Variants in UGGT2 observed in about 807,000 individuals in gnomAD.
UGGT2 encodes UDP-glucose glycoprotein glucosyltransferase 2, also known as UDP-glucose:glycoprotein glucosyltransferase 2.
A neutral mutation model predicts 192.1 loss-of-function variants in UGGT2; 180 were observed. That is an observed-to-expected ratio of 0.94 (90% CI 0.83 to 1.06). UGGT2 has a LOEUF of 1.06. Among genes scored for constraint, UGGT2 ranks in the 50% least tolerant of loss-of-function variants. UGGT2 has a pLI of 0.00. For synonymous variants in UGGT2, 580 were observed against 591.0 expected (o/e 0.98, Z 0.27); for missense variants, 1,849 against 1,795.7 (o/e 1.03, Z -0.54).
At chr13:95,877,487 C>A in intron 28 of UGGT2, 123 bp from the exon 29 acceptor site, 1 of 975,694 alleles carries the variant, frequency 1.0e-6, no homozygotes, top group South Asian at 2.1e-5. Flanking sequence ...TTCTATAAAT[C>A]AATTCCAAGT....
intron 12 of UGGT2, among the ~76,000 whole-genome samples, chr13:95,961,589 T>C (rs1566760715): frequency 6.6e-6 from 1 of 151,996 alleles, no homozygotes; most frequent in Non-Finnish European, 1.5e-5. Flanking sequence ...CTGGAGTACC[T>C]ACACATATAA....
intron 29 of UGGT2, among the ~76,000 whole-genome samples, chr13:95,872,050 G>T (rs893552582): frequency 1.3e-5 from 2 of 152,062 alleles, no homozygotes; most frequent in South Asian, 2.1e-4. Flanking sequence ...TGGCAGAAAA[G>T]ATTTTTCTAA....
chr13:95,976,523 T>C (rs73562903), intron 10 of UGGT2, among the ~76,000 whole-genome samples: 3,587 of 152,260 alleles, frequency 0.024, 136 homozygotes, highest in African/African-American at 0.082. Context: ...GTGGCTTTAC[T>C]AATGTACATT....
In UGGT2 at chr13:95,947,979, T is replaced by C. The variant is rs781134357; in HGVS notation, c.1541+17A>G. The C allele has an allele frequency of 9.8e-5, 156 of 1,585,450 alleles. 1 individual carries two copies. In the Admixed American group the frequency reaches 2.5e-3, roughly 26 times the overall value. On this transcript the variant is annotated intron_variant, in intron 14 of 38. Transcript: ENST00000376747. ...TTTCCTTTAGTTGACAGTTTAATGCTATAAAATGACAATTACCTAAGAGGA... is the reference window on the plus strand; with the variant it reads ...TTTCCTTTAGTTGACAGTTTAATGCCATAAAATGACAATTACCTAAGAGGA...
intron 2 of UGGT2, among the ~76,000 whole-genome samples, chr13:96,031,365 G>C (rs955746156): frequency 1.1e-4 from 16 of 152,176 alleles, no homozygotes; most frequent in Non-Finnish European, 1.6e-4. Flanking sequence ...GCTCAGGCTG[G>C]AGTGCAGTGG....
At chr13:95,819,074 C>A (rs1399987006) in intron 38 of UGGT2, among the ~76,000 whole-genome samples, 1 of 152,132 alleles carries the variant, frequency 6.6e-6, no homozygotes, top group Non-Finnish European at 1.5e-5. Flanking sequence ...AACATTCATA[C>A]AGTTAATGAA....
At chr13:95,831,293 C>A (rs1056853204) in intron 38 of UGGT2, among the ~76,000 whole-genome samples, 3 of 151,874 alleles carry the variant, frequency 2.0e-5, no homozygotes, top group African/African-American at 7.2e-5. Context: ...AAAAAAAAAT[C>A]TCTTTTGTAA....
intron 36 of UGGT2, among the ~76,000 whole-genome samples, chr13:95,842,378 A>G (rs1266978666): frequency 1.3e-5 from 2 of 152,236 alleles, no homozygotes; most frequent in Admixed American, 6.5e-5. Flanking sequence ...TTATTTTTAG[A>G]GTCATCCATG....
At chr13:95,904,581 T>A (rs1215242143) in intron 20 of UGGT2, among the ~76,000 whole-genome samples, 1 of 151,914 alleles carries the variant, frequency 6.6e-6, no homozygotes, top group Non-Finnish European at 1.5e-5. Flanking sequence ...TTACTGAGAA[T>A]GATGTTTCCC....
intron 38 of UGGT2, among the ~76,000 whole-genome samples, chr13:95,831,423 T>C (rs1886674314): frequency 6.6e-6 from 1 of 152,168 alleles, no homozygotes; most frequent in Non-Finnish European, 1.5e-5. Flanking sequence ...ATTTTTTAAC[T>C]TAAAATATGC....
intron 32 of UGGT2, 187 bp from the exon 33 acceptor site, chr13:95,859,862 G>A: frequency 3.3e-5 from 14 of 421,678 alleles, no homozygotes; most frequent in Non-Finnish European, 5.1e-5. Flanking sequence ...AATAATTGAA[G>A]GTATGAATTA....
At chr13:95,837,648 GCTCT>G (rs1887447698) in intron 36 of UGGT2, among the ~76,000 whole-genome samples, 2 of 152,304 alleles carry the variant, frequency 1.3e-5, no homozygotes, top group South Asian at 4.1e-4. Context: ...CATGCTCAGA[GCTCT>G]CTAAGTAAAG....
chr13:95,999,667 C>T (rs2051735988), intron 5 of UGGT2, among the ~76,000 whole-genome samples: 2 of 152,002 alleles, frequency 1.3e-5, no homozygotes. Context: ...TTTTTGGGGA[C>T]CCCCAAAAGA....
intron 36 of UGGT2, among the ~76,000 whole-genome samples, chr13:95,851,534 G>C (rs1330510058): frequency 6.6e-6 from 1 of 152,162 alleles, no homozygotes; most frequent in African/African-American, 2.4e-5. Flanking sequence ...GGATGTCAAA[G>C]AAGAACCAGC....
intron 26 of UGGT2, among the ~76,000 whole-genome samples, chr13:95,885,001 T>A (rs1360024493): frequency 6.6e-6 from 1 of 152,170 alleles, no homozygotes; most frequent in East Asian, 1.9e-4. Context: ...TTTGTATGCA[T>A]CCTCCTTCAA....
intron 4 of UGGT2, 49 bp downstream of exon 4, chr13:96,022,991 C>G: frequency 7.4e-7 from 1 of 1,346,278 alleles, no homozygotes; most frequent in Non-Finnish European, 9.9e-7. Flanking sequence ...TGCTATTGAA[C>G]TCTCCTCTCT....
At chr13:95,960,788 C>T (rs2050366470) in intron 12 of UGGT2, among the ~76,000 whole-genome samples, 1 of 152,096 alleles carries the variant, frequency 6.6e-6, no homozygotes, top group African/African-American at 2.4e-5. Flanking sequence ...TTTCTATAAA[C>T]AGCAAGTGAA....
At chr13:95,978,734 T>A (rs2051020929) in intron 10 of UGGT2, among the ~76,000 whole-genome samples, 1 of 152,224 alleles carries the variant, frequency 6.6e-6, no homozygotes, top group African/African-American at 2.4e-5. Flanking sequence ...AGTTTCATTC[T>A]TTACGATTAA....
intron 12 of UGGT2, among the ~76,000 whole-genome samples, chr13:95,954,690 G>T (rs1245596334): frequency 6.6e-6 from 1 of 152,148 alleles, no homozygotes; most frequent in African/African-American, 2.4e-5. Flanking sequence ...TGCCTTTCCA[G>T]ATGTACCAAA....
Sources: allele counts gnomAD v4.1 joint callset (sites outside exome capture counted in the v4.1 genomes callset), GRCh38; gene constraint gnomAD v4.1.1; transcripts MANE v1.5; gene names NCBI Gene and HGNC (gene_info 2026-07-23, HGNC 2026-07-21).